EFCAB6: variants seen among roughly 807,000 people sequenced by gnomAD.
The protein encoded by EFCAB6 is EF-hand calcium binding domain 6.
A neutral mutation model predicts 169.8 loss-of-function variants in EFCAB6; 156 were observed. The observed-to-expected ratio is 0.92, with a 90% CI of 0.81 to 1.05. The LOEUF (loss-of-function observed/expected upper bound fraction) is 1.05. Among genes scored for constraint, EFCAB6 ranks in the 50% least tolerant of loss-of-function variants. The pLI is 0.00. For missense variants in EFCAB6, 1,800 were observed against 1,829.1 expected (o/e 0.98, Z 0.29); for synonymous variants, 698 against 676.4 (o/e 1.03, Z -0.50).
chr22:43,674,956 C>A (rs186988785), intron 13 of EFCAB6, among the ~76,000 whole-genome samples: 223 of 152,108 alleles, frequency 1.5e-3, no homozygotes, highest in African/African-American at 5.1e-3. Flanking sequence ...TAAACTGAGT[C>A]AAGGCATACA....
intron 2 of EFCAB6, among the ~76,000 whole-genome samples, chr22:43,792,566 T>C (rs1326963509): frequency 3.3e-5 from 5 of 152,228 alleles, no homozygotes; most frequent in South Asian, 2.1e-4. Flanking sequence ...CAATTATTTA[T>C]TGGGGACTCG....
chr22:43,695,184 T>C lies in EFCAB6; in HGVS notation c.1032-7603A>G, dbSNP rs1016187720. Among the ~76,000 whole-genome samples the C allele has an allele frequency of 7.9e-5, 12 of 151,982 alleles. 1 individual carries two copies. Among genetic ancestry groups the C allele is most frequent in the Admixed American group, 7.2e-4 (11 of 15,246 alleles). ...GATATTCAAAGTCAATATACAAACATCAATTGTATTTCTGATTAATAGCCA... is the reference window on the plus strand; with the variant it reads ...GATATTCAAAGTCAATATACAAACACCAATTGTATTTCTGATTAATAGCCA... On this transcript the variant is annotated intron_variant, in intron 10 of 31. Transcript: ENST00000262726.
intron 10 of EFCAB6, 104 bp downstream of exon 10, chr22:43,711,371 T>C: frequency 1.6e-6 from 2 of 1,217,984 alleles, no homozygotes; most frequent in Admixed American, 6.1e-5. Flanking sequence ...AAATTTTCAG[T>C]AATAAAAAGT....
chr22:43,678,816 A>T (rs1266290893), intron 12 of EFCAB6, among the ~76,000 whole-genome samples: 3 of 152,190 alleles, frequency 2.0e-5, no homozygotes, highest in Non-Finnish European at 4.4e-5. Flanking sequence ...TAAATAAAGA[A>T]CCTTTACCTC....
rs563788721 is a variant in EFCAB6 at position 43,789,261 on chromosome 22, A to G, written c.-7-6936T>C. 2.6e-5 allele frequency among the ~76,000 whole-genome samples: 4 copies of G among 152,250 alleles called. No individual in the cohort carries two copies. The East Asian group carries it at 7.7e-4, about 29-fold the overall frequency. ...GAATTATACACTTTGAAAGGATGTG[A>G]ATTTTATGGTATATGAATTATATCA... On this transcript the variant is annotated intron_variant, in intron 2 of 31. Coordinates refer to ENST00000262726, the MANE Select transcript of EFCAB6 (RefSeq NM_022785.4).
chr22:43,583,246 G>A (rs538038191), intron 24 of EFCAB6, among the ~76,000 whole-genome samples: 1 of 151,644 alleles, frequency 6.6e-6, no homozygotes, highest in Non-Finnish European at 1.5e-5. Context: ...TACTCCCCAT[G>A]CTTGGTTCTT....
chr22:43,711,315 A>C (rs1480044524), intron 10 of EFCAB6, among the ~76,000 whole-genome samples, 160 bp downstream of exon 10: 1 of 152,226 alleles, frequency 6.6e-6, no homozygotes, highest in Admixed American at 6.5e-5. Flanking sequence ...TAGTGGGTAC[A>C]TTCATGGATT....
chr22:43,535,634 A>G (rs2047341536), intron 29 of EFCAB6: 1 of 152,286 alleles, frequency 6.6e-6, no homozygotes, highest in South Asian at 2.1e-4. Context: ...GTGACAACTC[A>G]TAATTGAAGG....
At chr22:43,646,953 T>A (rs2056194956) in intron 17 of EFCAB6, among the ~76,000 whole-genome samples, 1 of 152,210 alleles carries the variant, frequency 6.6e-6, no homozygotes, top group South Asian at 2.1e-4. Flanking sequence ...ACCTAGACAT[T>A]TCACTTGTTC....
At chr22:43,777,675 C>T (rs2061683852) in intron 3 of EFCAB6, among the ~76,000 whole-genome samples, 1 of 152,220 alleles carries the variant, frequency 6.6e-6, no homozygotes, top group Non-Finnish European at 1.5e-5. Context: ...ATGTACACCT[C>T]TGTCTTGAAA....
chr22:43,675,366 A>G (rs1310565322), intron 13 of EFCAB6, among the ~76,000 whole-genome samples: 1 of 126,106 alleles, frequency 7.9e-6, no homozygotes, highest in South Asian at 2.3e-4. Context: ...ATAATATATA[A>G]TATAATATAC....
At chr22:43,668,229 G>A (rs2057347595) in intron 16 of EFCAB6, among the ~76,000 whole-genome samples, 1 of 152,174 alleles carries the variant, frequency 6.6e-6, no homozygotes, top group African/African-American at 2.4e-5. Context: ...ACAAAGTGAA[G>A]TCTGCTGAAT....
intron 8 of EFCAB6, among the ~76,000 whole-genome samples, chr22:43,724,343 G>A (rs2059642977): frequency 6.8e-6 from 1 of 147,294 alleles, no homozygotes; most frequent in Admixed American, 6.8e-5. Context: ...GGTCTTTACT[G>A]TTTACTGTCA....
chr22:43,667,138 G>A lies in EFCAB6; in HGVS notation c.1949C>T (p.Pro650Leu). Residue 650 changes from proline to leucine, a missense_variant, in exon 17 of 32, where the codon CCT becomes CTT. Pro to Leu is a moderately conservative substitution (Grantham distance 98). Coordinates refer to ENST00000262726, the MANE Select transcript of EFCAB6 (RefSeq NM_022785.4). ...KKRFLDFSKE[P>L]NGKINVHDFK... ...GTCATGCACGTTAATTTTTCCATTA[G>A]GCTCCTTGCTGAAGTCAAGAAATCG... 1.2e-6 allele frequency: 2 copies of A among 1,613,952 alleles called. No individual in the cohort carries two copies. The highest frequency in any genetic ancestry group is 1.7e-6 in the Non-Finnish European group (2 of 1,179,954).
chr22:43,536,320 C>T (rs925949595), intron 29 of EFCAB6: 1 of 152,124 alleles, frequency 6.6e-6, no homozygotes, highest in Non-Finnish European at 1.5e-5. Flanking sequence ...ACTTAATTTA[C>T]AAGTGTTTTT....
chr22:43,592,962 T>A (rs1378283757), intron 23 of EFCAB6, among the ~76,000 whole-genome samples: 1 of 151,998 alleles, frequency 6.6e-6, no homozygotes, highest in Non-Finnish European at 1.5e-5. Flanking sequence ...CCAAACAAAA[T>A]GAATTCCCCT....
chr22:43,590,017 T>C, intron 24 of EFCAB6, 57 bp downstream of exon 24: 1 of 1,571,964 alleles, frequency 6.4e-7, no homozygotes. Context: ...ACAAAGGCAA[T>C]TCTCCAGTAT....
intron 13 of EFCAB6, 43 bp from the exon 14 acceptor site, chr22:43,672,348 A>C (rs766073795): frequency 6.2e-7 from 1 of 1,604,340 alleles, no homozygotes. Context: ...ACCACTCATG[A>C]AAGTCATTAG....
intron 13 of EFCAB6, among the ~76,000 whole-genome samples, chr22:43,672,555 A>G (rs1005813775): frequency 6.6e-6 from 1 of 152,196 alleles, no homozygotes; most frequent in African/African-American, 2.4e-5. Flanking sequence ...ACGGAGCTGG[A>G]GGCCATTATC....
Sources: allele counts gnomAD v4.1 joint callset (sites outside exome capture counted in the v4.1 genomes callset), GRCh38; gene constraint gnomAD v4.1.1; transcripts MANE v1.5; gene names NCBI Gene and HGNC (gene_info 2026-07-23, HGNC 2026-07-21).